Variants in LRP8 observed in about 807,000 individuals in gnomAD.
LRP8 encodes LDL receptor related protein 8.
Under a neutral mutation model 111.6 loss-of-function variants are expected in LRP8, and 46 were observed. The ratio of observed to expected loss-of-function variants is 0.41; its 90% CI spans 0.33 to 0.53. The LOEUF (loss-of-function observed/expected upper bound fraction) is 0.53. LRP8 is among the 20% of genes least tolerant of loss of function. The pLI is 0.20. For synonymous variants in LRP8, 464 were observed against 511.2 expected (o/e 0.91, Z 1.24); for missense variants, 959 against 1,297.4 (o/e 0.74, Z 4.01).
At position 53,275,739 on chromosome 1, in the gene LRP8, G is replaced by A. The variant is rs894113689; in HGVS notation, c.898C>T (p.Arg300Cys). ...TCCCCACACTGGAACTCGTCCCCAC[G>A]GCAGGTGCCCAGTGCTGCCAGGAGA... ...DEADCPLGTC[R>C]GDEFQCGDGT... is the part of the protein sequence containing the mutation. Residue 300 changes from arginine (R) to cysteine (C), a missense_variant, in exon 6 of 19, where the codon CGT becomes TGT. Coordinates refer to ENST00000306052, the MANE Select transcript of LRP8 (RefSeq NM_004631.5). This position sits in a 1 kb window ranked among gnomAD's most constrained non-coding sequence, Gnocchi z 4.4. 4.3e-6 allele frequency: 7 copies of A among 1,613,982 alleles called. No homozygotes were observed. Among genetic ancestry groups the A allele is most frequent in the Non-Finnish European group, 5.1e-6 (6 of 1,179,956 alleles).
chr1:53,281,203 T>C (rs541935171), intron 3 of LRP8, among the ~76,000 whole-genome samples: 1 of 152,130 alleles, frequency 6.6e-6, no homozygotes, highest in Non-Finnish European at 1.5e-5. Context: ...ACGGCTCCAA[T>C]CGGCCCGCCT....
Position 53,250,914 on chromosome 1 carries a change from T to C in LRP8, c.2504-52A>G. Reference sequence around the variant, plus strand: ...CCTCCAGCAGGCTCCAACCCACTGCTCAGACATCTGTACAAGGCTTGTCAC... The same window carrying C: ...CCTCCAGCAGGCTCCAACCCACTGCCCAGACATCTGTACAAGGCTTGTCAC... On this transcript the variant is annotated intron_variant, in intron 16 of 18. Coordinates refer to ENST00000306052, the MANE Select transcript of LRP8 (RefSeq NM_004631.5). The surrounding 1 kb of genome is among the most constrained non-coding windows in gnomAD (Gnocchi z 4.6). 6.6e-7 allele frequency: 1 copy of C among 1,519,360 alleles called. No individual in the cohort carries two copies. Among genetic ancestry groups the C allele is most frequent in the Non-Finnish European group, 9.1e-7 (1 of 1,095,142 alleles). 94.1% of individuals were successfully genotyped at this position (1,519,360 alleles called of 1,614,324 possible). A position where few individuals can be genotyped will look rare whatever the true frequency, so the allele number is the denominator to read the frequency against.
At position 53,257,206 on chromosome 1, in the gene LRP8, A is replaced by T. The variant is rs760413123; in HGVS notation, c.2434+34T>A. On this transcript the variant is annotated intron_variant, in intron 15 of 18. Transcript: ENST00000306052. The stretch of plus-strand genomic sequence containing the variant: ...TCCTGGCTTCCCTAGGAGCCCTCCC[A>T]TGTCATGAAAGAATGCAGAACTCAT... 1.9e-6 allele frequency: 3 copies of T among 1,605,216 alleles called. No homozygotes were observed. In the South Asian group the frequency reaches 3.3e-5, roughly 18 times the overall value.
chr1:53,257,971 G>C (rs182809570), intron 14 of LRP8: 141 of 213,498 alleles, frequency 6.6e-4, no homozygotes, highest in African/African-American at 3.1e-3. Flanking sequence ...TTAAGTTCTA[G>C]GTGAGAAACA....
intron 2 of LRP8, among the ~76,000 whole-genome samples, chr1:53,308,024 A>T (rs974218937): frequency 6.6e-6 from 1 of 152,230 alleles, no homozygotes; most frequent in Admixed American, 6.5e-5. Context: ...ACCCCTTCCC[A>T]GCAGCCCTGG....
At chr1:53,290,581 T>C (rs928505975) in intron 2 of LRP8, among the ~76,000 whole-genome samples, 16 of 152,118 alleles carry the variant, frequency 1.1e-4, no homozygotes, top group Non-Finnish European at 1.0e-4. Flanking sequence ...TCACAGCTGG[T>C]TACGGAGCTG....
chr1:53,323,107 T>C (rs1361139104), intron 2 of LRP8, among the ~76,000 whole-genome samples: 2 of 152,108 alleles, frequency 1.3e-5, no homozygotes, highest in Non-Finnish European at 2.9e-5. Flanking sequence ...AGCCTTAAGA[T>C]GTCATCTCAA....
chr1:53,251,911 G>A (rs1261841845), intron 16 of LRP8, among the ~76,000 whole-genome samples: 1 of 151,696 alleles, frequency 6.6e-6, no homozygotes, highest in Non-Finnish European at 1.5e-5. Flanking sequence ...GCATGGTGGC[G>A]GGCACCTGTA....
At chr1:53,325,769 A>G (rs746417540) in intron 2 of LRP8, among the ~76,000 whole-genome samples, 22 of 152,170 alleles carry the variant, frequency 1.4e-4, no homozygotes, top group Non-Finnish European at 1.6e-4. Flanking sequence ...CTCCTCCCTC[A>G]GACCCCGTCA....
At chr1:53,289,449 T>C in intron 3 of LRP8, 118 bp downstream of exon 3, 1 of 1,372,984 alleles carries the variant, frequency 7.3e-7, no homozygotes, top group Non-Finnish European at 9.7e-7. Flanking sequence ...AGGAGCGCCC[T>C]GAGTGCGTGG....
At chr1:53,286,517 C>G (rs571858574) in intron 3 of LRP8, among the ~76,000 whole-genome samples, 1 of 152,170 alleles carries the variant, frequency 6.6e-6, no homozygotes, top group African/African-American at 2.4e-5. Context: ...CCAACAGAAG[C>G]CTGAAGGTGG....
At position 53,255,150 on chromosome 1, in the gene LRP8, T is replaced by C. The variant is rs1162864808; in HGVS notation, c.2470A>G (p.Thr824Ala). The part of the protein sequence containing the change: ...NEDSKMGSTV[T>A]AAVIGIIVPI... ...ACGATGATCCCGATAACAGCGGCAGTGACTGTTGAGCCCATCTTACTGTCT... is the reference window on the plus strand; with the variant it reads ...ACGATGATCCCGATAACAGCGGCAGCGACTGTTGAGCCCATCTTACTGTCT... The change falls in exon 16 of 19, where the codon ACT (threonine) becomes GCT (alanine). Residue 824 changes from threonine (T) to alanine (A), a missense_variant. Around this residue, in one of 3 missense-constraint regions of LRP8, gnomAD observed 819 missense variants for 1,097.6 expected, o/e 0.75. Coordinates refer to ENST00000306052, the MANE Select transcript of LRP8 (RefSeq NM_004631.5). The C allele has an allele frequency of 1.1e-5, 17 of 1,613,744 alleles. No individual in the cohort carries two copies. Among genetic ancestry groups the C allele is most frequent in the Non-Finnish European group, 1.4e-5 (16 of 1,179,980 alleles).
chr1:53,284,786 C>T (rs1384110506), intron 3 of LRP8, among the ~76,000 whole-genome samples: 2 of 152,198 alleles, frequency 1.3e-5, no homozygotes, highest in Non-Finnish European at 2.9e-5. Flanking sequence ...AACAGCCCTC[C>T]ACCCTCAAAG....
chr1:53,266,556 C>T lies in LRP8; in HGVS notation c.1344G>A (p.Met448Ile). The T allele has an allele frequency of 3.1e-6, 5 of 1,614,226 alleles. No individual in the cohort carries two copies. The highest frequency in any genetic ancestry group is 4.2e-6 in the Non-Finnish European group (5 of 1,180,042). ...CATCTAGTGCCACGACATTCTTGAG[C>T]ATGGGGATGAGGCGTGAATAGTTCC... is the stretch of plus-strand genomic sequence containing the variant. ...VKRNYSRLIP[M>I]LKNVVALDVE... Residue 448 changes from methionine to isoleucine, a missense_variant, in exon 9 of 19, where the codon ATG (methionine) becomes ATA (isoleucine). By Grantham distance (10) the Met-to-Ile change is conservative. Transcript: ENST00000306052. This position sits in a 1 kb window ranked among gnomAD's most constrained non-coding sequence, Gnocchi z 5.0.
At chr1:53,326,755 G>A in intron 2 of LRP8, 118 bp downstream of exon 2, 1 of 1,447,244 alleles carries the variant, frequency 6.9e-7, no homozygotes, top group Non-Finnish European at 9.1e-7. Context: ...CGCAGGCTCC[G>A]GCGGCAAGTC....
chr1:53,311,027 C>G lies in LRP8; in HGVS notation c.244+15846G>C, dbSNP rs139711843. Among the ~76,000 whole-genome samples the G allele has an allele frequency of 2.0e-3, 312 of 152,238 alleles. 2 individuals carry two copies. Among genetic ancestry groups the G allele is most frequent in the African/African-American group, 6.9e-3 (287 of 41,546 alleles). ...GGAGGCCCTATGCCATGAAAAGGGG[C>G]TTGGGAAACATCCAGGGTAGCACAG... On this transcript the variant is annotated intron_variant, in intron 2 of 18. Coordinates refer to ENST00000306052, the MANE Select transcript of LRP8 (RefSeq NM_004631.5).
rs142676838 is a variant in LRP8, at chr1:53,279,384, C to T, written c.496+1203G>A. On this transcript the variant is annotated intron_variant, in intron 4 of 18. Transcript: ENST00000306052. This position sits in a 1 kb window ranked among gnomAD's most constrained non-coding sequence, Gnocchi z 4.4. ...GAGAGACTCCCATCCCTTGCAGTAG[C>T]GGCCTTCATATTGGAGGAATCATCT... Among the ~76,000 whole-genome samples, 8 of 152,252 alleles carry T rather than the reference C, an allele frequency of 5.3e-5. No individual in the cohort carries two copies. In the East Asian group the frequency reaches 1.4e-3, roughly 26 times the overall value.
chr1:53,249,562 A>G lies in LRP8; in HGVS notation c.2677-6T>C, dbSNP rs756631845. The stretch of plus-strand genomic sequence containing the variant: ...CGATCAAAGCTGCTGATTGCCTGAC[A>G]GGGGGATGGCACTGTGGATGACCTC... On this transcript the variant is annotated splice_polypyrimidine_tract_variant and splice_region_variant and intron_variant, in intron 17 of 18. Coordinates refer to ENST00000306052, the MANE Select transcript of LRP8 (RefSeq NM_004631.5). This position sits in a 1 kb window ranked among gnomAD's most constrained non-coding sequence, Gnocchi z 4.1. 12 of 1,586,866 alleles carry G rather than the reference A, an allele frequency of 7.6e-6. No individual in the cohort carries two copies. Among genetic ancestry groups the G allele is most frequent in the South Asian group, 1.1e-5 (1 of 87,988 alleles).
At chr1:53,305,382 A>G (rs1169997421) in intron 2 of LRP8, 1 of 152,232 alleles carries the variant, frequency 6.6e-6, no homozygotes, top group Non-Finnish European at 1.5e-5. Flanking sequence ...TCCTCCCTTT[A>G]TCCCAGCCGC....
Sources: allele counts gnomAD v4.1 joint callset (sites outside exome capture counted in the v4.1 genomes callset), GRCh38; gene constraint gnomAD v4.1.1; regional missense constraint gnomAD v4.1.1; non-coding constraint Gnocchi (gnomAD v3.1); transcripts MANE v1.5; gene names NCBI Gene and HGNC (gene_info 2026-07-23, HGNC 2026-07-21).